Variants in LRRC4C observed in about 807,000 individuals in gnomAD.
The protein encoded by LRRC4C is leucine rich repeat containing 4C.
Under a neutral mutation model 33.6 loss-of-function variants are expected in LRRC4C, and 5 were observed. That is an observed-to-expected ratio of 0.15 (90% CI 0.08 to 0.31). The LOEUF is 0.31. LRRC4C is among the 10% of genes least tolerant of loss of function. The pLI is 1.00. For missense variants in LRRC4C, 560 were observed against 796.7 expected, an observed-to-expected ratio of 0.70 and a Z score of 3.58; for synonymous variants, 329 against 302.0, an observed-to-expected ratio of 1.09 and a Z score of -0.93.
At chr11:41,165,032 C>A (rs1477306574) in intron 1 of LRRC4C, among the ~76,000 whole-genome samples, 10 of 152,160 alleles carry the variant, frequency 6.6e-5, no homozygotes, top group African/African-American at 2.4e-4. Flanking sequence ...TAAACCATCA[C>A]AGCTGTAAAT....
intron 3 of LRRC4C, among the ~76,000 whole-genome samples, chr11:40,558,745 T>C (rs1471665381): frequency 6.6e-6 from 1 of 152,172 alleles, no homozygotes; most frequent in Non-Finnish European, 1.5e-5. Context: ...TGAAGGTTTT[T>C]TTCTTACATG....
At chr11:41,106,037 A>G (rs184051262) in intron 1 of LRRC4C, among the ~76,000 whole-genome samples, 17 of 152,200 alleles carry the variant, frequency 1.1e-4, no homozygotes, top group Non-Finnish European at 1.6e-4. Context: ...TCAATCAAAA[A>G]ACACATTTAG....
intron 2 of LRRC4C, among the ~76,000 whole-genome samples, chr11:40,842,683 C>A (rs968491342): frequency 3.9e-5 from 6 of 152,088 alleles, no homozygotes; most frequent in Admixed American, 3.3e-4. Flanking sequence ...TAACCAACAT[C>A]TCTCCAATTA....
chr11:40,817,970 G>A (rs1172389720), intron 2 of LRRC4C, among the ~76,000 whole-genome samples: 2 of 152,030 alleles, frequency 1.3e-5, no homozygotes, highest in Non-Finnish European at 2.9e-5. Flanking sequence ...TGCCTAATGG[G>A]CTTCAGGATT....
chr11:40,898,434 G>A (rs539342554), intron 2 of LRRC4C, among the ~76,000 whole-genome samples: 1 of 147,668 alleles, frequency 6.8e-6, no homozygotes, highest in Middle Eastern at 3.6e-3. Flanking sequence ...AAAATTTTTT[G>A]TTGAAGACCA....
chr11:40,295,679 C>A (rs941873129), intron 4 of LRRC4C, among the ~76,000 whole-genome samples: 7 of 152,304 alleles, frequency 4.6e-5, no homozygotes, highest in South Asian at 4.1e-4. Flanking sequence ...TCAGTACATG[C>A]AAGAGGAAAG....
At chr11:40,433,327 G>C (rs1488182885) in intron 3 of LRRC4C, among the ~76,000 whole-genome samples, 2 of 146,726 alleles carry the variant, frequency 1.4e-5, no homozygotes, top group African/African-American at 5.5e-5. Flanking sequence ...AGAGCCATAG[G>C]AAACATTGCT....
At chr11:40,668,379 G>A (rs957139811) in intron 2 of LRRC4C, among the ~76,000 whole-genome samples, 3 of 152,104 alleles carry the variant, frequency 2.0e-5, no homozygotes, top group African/African-American at 7.2e-5. Flanking sequence ...CTGGTCATTT[G>A]CTTTCCTTCT....
At chr11:41,211,088 G>A (rs528130348) in intron 1 of LRRC4C, among the ~76,000 whole-genome samples, 1 of 152,292 alleles carries the variant, frequency 6.6e-6, no homozygotes, top group Non-Finnish European at 1.5e-5. Context: ...GTTCCTAACA[G>A]GCCATGAACC....
intron 5 of LRRC4C, among the ~76,000 whole-genome samples, chr11:40,205,293 C>A (rs1307824074): frequency 1.3e-5 from 2 of 152,146 alleles, no homozygotes; most frequent in Non-Finnish European, 2.9e-5. Context: ...GATCAGGTAT[C>A]CTCAGAATGA....
chr11:41,126,219 G>A (rs1420090631), intron 1 of LRRC4C, among the ~76,000 whole-genome samples: 2 of 151,704 alleles, frequency 1.3e-5, no homozygotes, highest in Non-Finnish European at 1.5e-5. Flanking sequence ...TTAAAAAATT[G>A]TCATTTTTTA....
chr11:41,073,925 G>A (rs1042015305), intron 1 of LRRC4C, among the ~76,000 whole-genome samples: 5 of 152,088 alleles, frequency 3.3e-5, no homozygotes, highest in Non-Finnish European at 7.4e-5. Context: ...CATAATCACA[G>A]TAAATGAGAT....
chr11:41,378,856 T>C (rs1953037520), intron 1 of LRRC4C, among the ~76,000 whole-genome samples: 1 of 152,052 alleles, frequency 6.6e-6, no homozygotes, highest in African/African-American at 2.4e-5. Flanking sequence ...ATCAGTGGTA[T>C]GACTCAAACT....
At chr11:41,343,745 G>A (rs1049720675) in intron 1 of LRRC4C, among the ~76,000 whole-genome samples, 75 of 152,204 alleles carry the variant, frequency 4.9e-4, no homozygotes, top group African/African-American at 1.7e-3. Context: ...TTCATGTATT[G>A]TAATGAATTT....
intron 3 of LRRC4C, among the ~76,000 whole-genome samples, chr11:40,605,475 C>T (rs945494982): frequency 3.3e-5 from 5 of 152,078 alleles, no homozygotes; most frequent in Admixed American, 1.3e-4. Flanking sequence ...GAGGCTTCTG[C>T]AATCCAGATG....
chr11:40,331,184 T>A (rs1946346800), intron 3 of LRRC4C, among the ~76,000 whole-genome samples: 1 of 152,206 alleles, frequency 6.6e-6, no homozygotes, highest in Non-Finnish European at 1.5e-5. Flanking sequence ...TTGGTGGGAA[T>A]GTTAATTAGT....
At chr11:40,925,440 T>G (rs1334321169) in intron 2 of LRRC4C, among the ~76,000 whole-genome samples, 1 of 152,162 alleles carries the variant, frequency 6.6e-6, no homozygotes, top group Non-Finnish European at 1.5e-5. Flanking sequence ...TACCTCAGCC[T>G]GAATCTTGGA....
chr11:40,986,985 A>C (rs1415707669), intron 1 of LRRC4C, among the ~76,000 whole-genome samples: 2 of 152,244 alleles, frequency 1.3e-5, no homozygotes, highest in Non-Finnish European at 2.9e-5. Flanking sequence ...AACATCAGCT[A>C]TAGTGATGGG....
At chr11:41,159,634 T>G (rs1944380022) in intron 1 of LRRC4C, among the ~76,000 whole-genome samples, 1 of 152,156 alleles carries the variant, frequency 6.6e-6, no homozygotes, top group South Asian at 2.1e-4. Context: ...CTAAGCACTT[T>G]GCAGCTATGG....
Sources: allele counts gnomAD v4.1 joint callset (sites outside exome capture counted in the v4.1 genomes callset), GRCh38; gene constraint gnomAD v4.1.1; transcripts MANE v1.5; gene names NCBI Gene and HGNC (gene_info 2026-07-23, HGNC 2026-07-21).